The following HYDIN variants were observed in gnomAD, a reference collection of about 807,000 sequenced individuals.
The protein encoded by HYDIN is HYDIN axonemal central pair apparatus protein, also known as axonemal central pair apparatus protein HYDIN.
A neutral mutation model predicts 403.9 loss-of-function variants in HYDIN; 132 were observed. The ratio of observed to expected loss-of-function variants is 0.33; its 90% CI spans 0.28 to 0.38. The LOEUF is 0.38. HYDIN is among the 10% of genes least tolerant of loss of function. The pLI is 1.00. For missense variants in HYDIN, 2,827 were observed against 5,009.5 expected, an observed-to-expected ratio of 0.56 and a Z score of 13.15; for synonymous variants, 1,202 against 1,891.7, an observed-to-expected ratio of 0.64 and a Z score of 9.46.
chr16:71,157,502 A>G (rs8058211), intron 6 of HYDIN, among the ~76,000 whole-genome samples: 12,616 of 149,618 alleles, frequency 0.084, 1,762 homozygotes, highest in African/African-American at 0.29. Context: ...TTCTAACTCA[A>G]TATGATGTGA....
chr16:70,943,820 G>T lies in HYDIN; in HGVS notation c.6661C>A (p.Arg2221=). 6.2e-7 allele frequency: 1 copy of T among 1,612,318 alleles called. No individual in the cohort carries two copies. Among genetic ancestry groups the T allele is most frequent in the Non-Finnish European group, 8.5e-7 (1 of 1,179,984 alleles). ...AGGTGGCATGGACCCACCTGTATCC[G>T]CTCTGCCAGGATCTGCACGAGAAGT... ...DELLVQILAE[R]IQLSDCYRGV... Residue 2221 remains arginine (R), a synonymous_variant, in exon 42 of 86, where the codon CGG becomes AGG. Coordinates refer to ENST00000393567, the MANE Select transcript of HYDIN (RefSeq NM_001270974.2).
chr16:70,864,781 G>A (rs1221001089), intron 67 of HYDIN, among the ~76,000 whole-genome samples: 4 of 152,164 alleles, frequency 2.6e-5, no homozygotes, highest in African/African-American at 9.7e-5. Flanking sequence ...GAAAACTTTT[G>A]TAAAGGGCCA....
At position 70,938,748 on chromosome 16, in the gene HYDIN, C is replaced by T. The variant is rs1194719594; in HGVS notation, c.6861G>A (p.Lys2287=). 1 of 1,614,106 alleles carries T rather than the reference C, an allele frequency of 6.2e-7. No individual in the cohort carries two copies. The highest frequency in any genetic ancestry group is 1.1e-5 in the South Asian group (1 of 91,082). ...TCTCTTTCTCAAGAGCTCCCTTGTG[C>T]TTGCGTTCTGTGAGGGGAACAGAGA... The part of the protein sequence containing the change: ...EKAKKEQEER[K]HKGALEKEKE... The change falls in exon 44 of 86, where the codon AAG becomes AAA. Residue 2287 remains lysine (K), a synonymous_variant. Transcript: ENST00000393567.
chr16:70,820,875 C>T (rs961994046), intron 83 of HYDIN, among the ~76,000 whole-genome samples: 5 of 152,084 alleles, frequency 3.3e-5, no homozygotes, highest in Non-Finnish European at 5.9e-5. Context: ...TCTTGAACTC[C>T]TGACCTCAAG....
chr16:70,976,379 G>A (rs551878002), intron 30 of HYDIN, among the ~76,000 whole-genome samples: 374 of 151,738 alleles, frequency 2.5e-3, no homozygotes, highest in Non-Finnish European at 3.3e-3. Context: ...AGATTTTCTG[G>A]GTTGGAGGGA....
At chr16:71,043,512 T>C in intron 18 of HYDIN, among the ~76,000 whole-genome samples, 1 of 147,518 alleles carries the variant, frequency 6.8e-6, no homozygotes, top group East Asian at 1.9e-4. Flanking sequence ...TCAATTTTAT[T>C]TTCCAGATAT....
intron 1 of HYDIN, among the ~76,000 whole-genome samples, chr16:71,199,812 G>A (rs903635877): frequency 6.6e-6 from 1 of 152,114 alleles, no homozygotes; most frequent in Admixed American, 6.5e-5. Flanking sequence ...AAGACAAAAT[G>A]GCAAATTGTA....
At chr16:70,932,387 A>G (rs1448486049) in intron 45 of HYDIN, among the ~76,000 whole-genome samples, 1 of 152,052 alleles carries the variant, frequency 6.6e-6, no homozygotes, top group Non-Finnish European at 1.5e-5. Context: ...AAACAAAAAC[A>G]TACCCACACA....
At chr16:70,867,900 C>A (rs2039854060) in intron 66 of HYDIN, among the ~76,000 whole-genome samples, 1 of 151,676 alleles carries the variant, frequency 6.6e-6, no homozygotes, top group Admixed American at 6.6e-5. Context: ...AACTCCTGGG[C>A]TCAAGCAATC....
chr16:71,066,368 A>C (rs1421069673), intron 15 of HYDIN: 3 of 154,384 alleles, frequency 1.9e-5, no homozygotes, highest in Non-Finnish European at 4.3e-5. Context: ...ATCCAAGCCC[A>C]AGACACGTGA....
chr16:70,907,186 C>T (rs1210979628), intron 50 of HYDIN, among the ~76,000 whole-genome samples, 186 bp downstream of exon 50: 1 of 152,204 alleles, frequency 6.6e-6, no homozygotes, highest in Non-Finnish European at 1.5e-5. Context: ...GAACATGGCA[C>T]CCTCATTCCT....
At chr16:71,118,484 A>G (rs2084134384) in intron 9 of HYDIN, among the ~76,000 whole-genome samples, 1 of 151,860 alleles carries the variant, frequency 6.6e-6, no homozygotes, top group African/African-American at 2.4e-5. Context: ...ATATCTACTC[A>G]GTTTGCACAC....
At chr16:71,132,971 CA>C (rs1225607532) in intron 8 of HYDIN, 1 of 196,918 alleles carries the variant, frequency 5.1e-6, no homozygotes, top group African/African-American at 2.4e-5. Context: ...GGAGACCTTT[CA>C]TCAGACAGCA....
intron 1 of HYDIN, among the ~76,000 whole-genome samples, chr16:71,222,430 C>T (rs1312382734): frequency 2.0e-5 from 3 of 152,064 alleles, no homozygotes; most frequent in Non-Finnish European, 2.9e-5. Flanking sequence ...TAGAACAAGA[C>T]AAGGATGCCC....
intron 45 of HYDIN, among the ~76,000 whole-genome samples, chr16:70,932,253 G>A (rs1214217101): frequency 4.6e-5 from 7 of 151,510 alleles, no homozygotes; most frequent in Non-Finnish European, 7.4e-5. Context: ...TACCCGGGAC[G>A]CTGAGGCAGG....
At chr16:71,098,493 C>T (rs1447599379) in intron 10 of HYDIN, among the ~76,000 whole-genome samples, 17 of 151,692 alleles carry the variant, frequency 1.1e-4, no homozygotes, top group African/African-American at 1.9e-4. Flanking sequence ...TGAGCCACCG[C>T]GCCCGGCCAA....
chr16:71,205,357 T>G (rs1018629638), intron 1 of HYDIN, among the ~76,000 whole-genome samples: 2 of 152,176 alleles, frequency 1.3e-5, no homozygotes, highest in Non-Finnish European at 2.9e-5. Context: ...AAAGGGGAAG[T>G]GAGTGAGAAC....
At position 71,216,706 on chromosome 16, in the gene HYDIN, C is replaced by T. The variant is rs187472502; in HGVS notation, c.-24+13856G>A. Among the ~76,000 whole-genome samples the T allele has an allele frequency of 4.1e-4, 63 of 152,322 alleles. 1 individual carries two copies. Among genetic ancestry groups the T allele is most frequent in the African/African-American group, 1.4e-3 (59 of 41,576 alleles). On this transcript the variant is annotated intron_variant, in intron 1 of 85. Coordinates refer to ENST00000393567, the MANE Select transcript of HYDIN (RefSeq NM_001270974.2). ...TAAATATTTCTTAAAATTTGGAAAGCATCTTTGAAATTCTGCAACCCAGTT... is the reference window on the plus strand; with the variant it reads ...TAAATATTTCTTAAAATTTGGAAAGTATCTTTGAAATTCTGCAACCCAGTT...
At chr16:71,021,940 A>G (rs922538833) in intron 21 of HYDIN, among the ~76,000 whole-genome samples, 39 of 151,772 alleles carry the variant, frequency 2.6e-4, no homozygotes, top group Non-Finnish European at 2.9e-5. Context: ...GTTGTACTCT[A>G]TGAGTCTCCC....
Sources: allele counts gnomAD v4.1 joint callset (sites outside exome capture counted in the v4.1 genomes callset), GRCh38; gene constraint gnomAD v4.1.1; transcripts MANE v1.5; gene names NCBI Gene and HGNC (gene_info 2026-07-23, HGNC 2026-07-21).